Variants in TMEM117 observed in about 807,000 individuals in gnomAD.
The protein encoded by TMEM117 is transmembrane protein 117.
A neutral mutation model predicts 52.4 loss-of-function variants in TMEM117; 27 were observed. The ratio of observed to expected loss-of-function variants is 0.51; its 90% CI spans 0.38 to 0.71. The LOEUF is 0.71. Ranked by LOEUF, TMEM117 falls within the 30% of genes least tolerant of loss-of-function variation. The probability of loss-of-function intolerance (pLI) is 0.00; values close to 1 mark genes in which losing one functional copy is unlikely to be tolerated. For synonymous variants in TMEM117, 215 were observed against 206.3 expected (o/e 1.04, Z -0.36); for missense variants, 556 against 630.5 (o/e 0.88, Z 1.26).
At chr12:44,367,449 C>G (rs1422668459) in intron 6 of TMEM117, among the ~76,000 whole-genome samples, 1 of 152,084 alleles carries the variant, frequency 6.6e-6, no homozygotes, top group Non-Finnish European at 1.5e-5. Context: ...TTCTAGGACA[C>G]CACTTTCTCT....
intron 2 of TMEM117, among the ~76,000 whole-genome samples, chr12:43,916,828 T>G (rs927361179): frequency 6.6e-6 from 1 of 152,212 alleles, no homozygotes; most frequent in African/African-American, 2.4e-5. Context: ...ATCTGATTTC[T>G]TGTTGGCGTG....
intron 3 of TMEM117, among the ~76,000 whole-genome samples, chr12:44,130,296 C>T (rs928536012): frequency 6.6e-6 from 1 of 152,142 alleles, no homozygotes; most frequent in Non-Finnish European, 1.5e-5. Flanking sequence ...ATGTTATCAT[C>T]ACTGATGTCA....
At chr12:44,216,005 C>CTT (rs778425747) in intron 5 of TMEM117, among the ~76,000 whole-genome samples, 9,260 of 110,746 alleles carry the variant, frequency 0.084, 1,414 homozygotes, top group African/African-American at 0.31. Context: ...TTCTTTCTTT[C>CTT]TTTTTTTTTT....
chr12:44,114,078 C>T lies in TMEM117; in HGVS notation c.411-29447C>T, dbSNP rs907191134. 1.8e-4 allele frequency among the ~76,000 whole-genome samples: 27 copies of T among 148,528 alleles called. No individual in the cohort carries two copies. In the Middle Eastern group the frequency reaches 0.017, roughly 96 times the overall value. ...GCCCTGCTTCGGCTCGCGCACGGTG[C>T]GCACACACACTGGCCTGCGCCCACT... On this transcript the variant is annotated intron_variant, in intron 3 of 7. Coordinates refer to ENST00000266534, the MANE Select transcript of TMEM117 (RefSeq NM_032256.3).
rs148514715 is a variant in TMEM117 at position 44,213,882 on chromosome 12, G to A, written c.608+2495G>A. Among the ~76,000 whole-genome samples the A allele has an allele frequency of 5.8e-4, 88 of 152,220 alleles. 1 individual carries two copies. The highest frequency in any genetic ancestry group is 2.1e-3 in the African/African-American group (86 of 41,518). On this transcript the variant is annotated intron_variant, in intron 5 of 7. Transcript: ENST00000266534. ...ACCCGTTCTTGGGTATTTCTTCACA[G>A]CAGCATGAGAATGGAGTAATACATG...
At chr12:43,830,999 C>T (rs539850236), upstream of TMEM117, among the ~76,000 whole-genome samples, 140 of 152,114 alleles carry the variant, frequency 9.2e-4, no homozygotes, top group Non-Finnish European at 1.6e-3. Flanking sequence ...TTTTCACAAG[C>T]AAAATTCAGG....
At chr12:43,939,060 A>C (rs189481464) in intron 2 of TMEM117, among the ~76,000 whole-genome samples, 2 of 152,274 alleles carry the variant, frequency 1.3e-5, no homozygotes, top group Admixed American at 1.3e-4. Context: ...GAAGCCAATA[A>C]AGAATCCTTA....
At chr12:44,005,901 C>T (rs534002717) in intron 3 of TMEM117, among the ~76,000 whole-genome samples, 28 of 152,250 alleles carry the variant, frequency 1.8e-4, no homozygotes, top group Admixed American at 6.5e-4. Context: ...TGCCTGCTGC[C>T]ATCTGTGTAA....
chr12:43,914,300 T>C (rs1165532203), intron 2 of TMEM117, among the ~76,000 whole-genome samples: 1 of 152,148 alleles, frequency 6.6e-6, no homozygotes, highest in East Asian at 1.9e-4. Flanking sequence ...CTATTACTGC[T>C]TTCTTCCTTT....
chr12:44,036,141 G>T (rs1057329664), intron 3 of TMEM117, among the ~76,000 whole-genome samples: 3 of 152,018 alleles, frequency 2.0e-5, no homozygotes, highest in African/African-American at 7.2e-5. Context: ...ATCTCACATT[G>T]CATTAAAAAT....
At chr12:44,161,329 C>T (rs1294997325) in intron 4 of TMEM117, among the ~76,000 whole-genome samples, 2 of 152,090 alleles carry the variant, frequency 1.3e-5, no homozygotes, top group Non-Finnish European at 2.9e-5. Context: ...GTTTAAATCT[C>T]AATTCTGATA....
Position 44,166,413 on chromosome 12 carries a change from T to C in TMEM117, c.510+22789T>C, listed in dbSNP as rs548240309. ...TATAACAATGAATTTTGTTGGAGGG[T>C]ATTAAAAATAGGTTTTGTGAAAGAA... On this transcript the variant is annotated intron_variant, in intron 4 of 7. Transcript: ENST00000266534. Among the ~76,000 whole-genome samples the C allele has an allele frequency of 3.9e-5, 6 of 152,276 alleles. No individual in the cohort carries two copies. The East Asian group carries it at 1.2e-3, about 29-fold the overall frequency.
chr12:43,840,115 A>G (rs1943094328), intron 1 of TMEM117, among the ~76,000 whole-genome samples: 1 of 152,096 alleles, frequency 6.6e-6, no homozygotes, highest in African/African-American at 2.4e-5. Flanking sequence ...TTATTTTTCT[A>G]ACTAACGTAA....
intron 2 of TMEM117, among the ~76,000 whole-genome samples, chr12:43,865,724 A>G (rs1334969675): frequency 6.7e-6 from 1 of 149,188 alleles, no homozygotes; most frequent in Non-Finnish European, 1.5e-5. Context: ...AAAAAAAAAA[A>G]CTAATATAGA....
At chr12:44,139,861 G>A (rs1401342036) in intron 3 of TMEM117, among the ~76,000 whole-genome samples, 2 of 152,066 alleles carry the variant, frequency 1.3e-5, no homozygotes, top group African/African-American at 2.4e-5. Context: ...TAAAATTGCT[G>A]ATATAAATAT....
intron 3 of TMEM117, among the ~76,000 whole-genome samples, chr12:43,975,955 G>T (rs561410245): frequency 1.3e-5 from 2 of 152,306 alleles, no homozygotes; most frequent in South Asian, 2.1e-4. Context: ...GGATCTGCCA[G>T]ATTCCTCAGC....
intron 7 of TMEM117, among the ~76,000 whole-genome samples, chr12:44,382,336 A>G (rs1353007126): frequency 6.6e-6 from 1 of 152,190 alleles, no homozygotes; most frequent in Non-Finnish European, 1.5e-5. Context: ...TTGAAACATG[A>G]ACATTTTGCT....
At chr12:44,368,955 A>C (rs1430168652) in intron 6 of TMEM117, among the ~76,000 whole-genome samples, 2 of 152,138 alleles carry the variant, frequency 1.3e-5, no homozygotes, top group Admixed American at 6.6e-5. Flanking sequence ...AGATGATCTA[A>C]GATGACTTAT....
intron 3 of TMEM117, among the ~76,000 whole-genome samples, chr12:44,116,773 T>C (rs976861303): frequency 3.4e-4 from 52 of 152,238 alleles, no homozygotes; most frequent in African/African-American, 1.1e-3. Flanking sequence ...TCTTTTTTCT[T>C]ACCATCCTCA....
Sources: gnomAD v4.1 joint callset for allele counts (sites outside exome capture counted in the v4.1 genomes callset) on GRCh38, gnomAD v4.1.1 for gene constraint, MANE v1.5 for transcripts, NCBI Gene and HGNC (gene_info 2026-07-23, HGNC 2026-07-21) for gene names.